Variants in FGGY observed in about 807,000 individuals in gnomAD.
The protein encoded by FGGY is FGGY carbohydrate kinase domain containing, also known as FGGY carbohydrate kinase domain-containing protein.
A neutral mutation model predicts 71.3 loss-of-function variants in FGGY; 72 were observed. The observed-to-expected ratio is 1.01, with a 90% CI of 0.84 to 1.23. The LOEUF (loss-of-function observed/expected upper bound fraction) is 1.23, where lower values mean the gene tolerates loss of function less well. FGGY is among the 50% of genes most tolerant of loss of function. The probability of loss-of-function intolerance (pLI) is 0.00; values close to 1 mark genes in which losing one functional copy is unlikely to be tolerated. For synonymous variants in FGGY, 251 were observed against 250.3 expected (o/e 1.00, Z -0.02); for missense variants, 668 against 682.3 (o/e 0.98, Z 0.23).
intron 9 of FGGY, among the ~76,000 whole-genome samples, chr1:59,620,889 T>C (rs535398017): frequency 2.0e-5 from 3 of 152,246 alleles, no homozygotes; most frequent in African/African-American, 4.8e-5. Flanking sequence ...AGTTGTCATA[T>C]TGTTTGCTTT....
At chr1:59,666,021 A>T (rs552120446) in intron 12 of FGGY, among the ~76,000 whole-genome samples, 1 of 152,236 alleles carries the variant, frequency 6.6e-6, no homozygotes, top group South Asian at 2.1e-4. Flanking sequence ...TCTTGCCCTC[A>T]GCTAAAACAC....
rs182721841 is a variant in FGGY at position 59,448,603 on chromosome 1, G to A, written c.555-8358G>A. The stretch of plus-strand genomic sequence containing the variant: ...TTAAAAAATGATTAGGAACCTGAAA[G>A]CTTCCTTCTATAACTGAGATCTGAA... On this transcript the variant is annotated intron_variant, in intron 5 of 15. Transcript: ENST00000303721. Among the ~76,000 whole-genome samples the A allele has an allele frequency of 2.0e-3, 300 of 152,254 alleles. 1 individual carries two copies. The highest frequency in any genetic ancestry group is 4.1e-3 in the South Asian group (20 of 4,822).
chr1:59,374,694 CACAT>C (rs1161600065), intron 4 of FGGY, among the ~76,000 whole-genome samples: 3 of 151,964 alleles, frequency 2.0e-5, no homozygotes, highest in Non-Finnish European at 4.4e-5. Context: ...GAAAATGTGG[CACAT>C]ATACACCATG....
intron 13 of FGGY, among the ~76,000 whole-genome samples, chr1:59,668,378 A>G (rs6587867): frequency 0.84 from 127,672 of 152,046 alleles, 53,777 homozygotes; most frequent in Middle Eastern, 0.92. Flanking sequence ...GAAAGTGGGG[A>G]AGGGTTGTAC....
chr1:59,716,782 A>AG (rs1376848909), intron 14 of FGGY, among the ~76,000 whole-genome samples: 2 of 152,200 alleles, frequency 1.3e-5, no homozygotes, highest in Non-Finnish European at 2.9e-5. Flanking sequence ...CTTGAATGAC[A>AG]GACTGAATTT....
chr1:59,324,166 T>C (rs1233718310), intron 2 of FGGY, among the ~76,000 whole-genome samples: 1 of 151,694 alleles, frequency 6.6e-6, no homozygotes, highest in Non-Finnish European at 1.5e-5. Context: ...GTGGTGTCAA[T>C]GATGATGACA....
intron 8 of FGGY, among the ~76,000 whole-genome samples, chr1:59,586,634 G>T (rs899570767): frequency 6.6e-6 from 1 of 152,064 alleles, no homozygotes; most frequent in Non-Finnish European, 1.5e-5. Context: ...TTGTGCACAT[G>T]TACCCTAAAA....
intron 14 of FGGY, among the ~76,000 whole-genome samples, chr1:59,696,358 GT>G (rs1419604828): frequency 6.6e-6 from 1 of 152,084 alleles, no homozygotes; most frequent in Admixed American, 6.5e-5. Flanking sequence ...AGAAAGAAAA[GT>G]TTTTTTCCCA....
At chr1:59,302,685 G>A (rs1246277738) in intron 1 of FGGY, among the ~76,000 whole-genome samples, 4 of 151,930 alleles carry the variant, frequency 2.6e-5, no homozygotes, top group African/African-American at 9.7e-5. Flanking sequence ...TCTACTTGAG[G>A]GGGTAGGAGG....
chr1:59,521,042 G>GT (rs978704076), intron 7 of FGGY, among the ~76,000 whole-genome samples: 1 of 143,028 alleles, frequency 7.0e-6, no homozygotes, highest in Non-Finnish European at 1.5e-5. Context: ...GGGGTGGGGG[G>GT]GGATTAGAAA....
intron 14 of FGGY, among the ~76,000 whole-genome samples, chr1:59,744,567 T>C (rs2098178896): frequency 6.6e-6 from 1 of 152,232 alleles, no homozygotes; most frequent in African/African-American, 2.4e-5. Context: ...AGTTCTAATC[T>C]AGCCAGTCTA....
intron 6 of FGGY, among the ~76,000 whole-genome samples, chr1:59,471,723 AG>A (rs970989657): frequency 1.3e-5 from 2 of 152,208 alleles, no homozygotes; most frequent in African/African-American, 4.8e-5. Context: ...GCTAAGTCCT[AG>A]GGATACAAAA....
chr1:59,666,113 G>A (rs942088521), intron 12 of FGGY, among the ~76,000 whole-genome samples: 4 of 152,150 alleles, frequency 2.6e-5, no homozygotes, highest in Non-Finnish European at 5.9e-5. Flanking sequence ...ATTGGCTCAT[G>A]CCTTCTTCTT....
Position 59,483,390 on chromosome 1 carries a change from G to A in FGGY, c.670+26314G>A, listed in dbSNP as rs944822479. On this transcript the variant is annotated intron_variant, in intron 6 of 15. Transcript: ENST00000303721. ...GTGAAGATACTCAGCCCCTGCCTGC[G>A]AGATGCCTATCAACTATGGAGAAAA... 3.3e-5 allele frequency among the ~76,000 whole-genome samples: 5 copies of A among 152,240 alleles called. No individual in the cohort carries two copies. The Middle Eastern group carries it at 0.017, about 518-fold the overall frequency.
In FGGY at chr1:59,651,450, T is replaced by C. The variant is rs918070652; in HGVS notation, c.1222-8769T>C. ...TCTGGGTGCTCCTGTATTGGGTGCA[T>C]ATATATTTAGGATAGTTAGCTCTTC... On this transcript the variant is annotated intron_variant, in intron 11 of 15. Transcript: ENST00000303721. 4.7e-5 allele frequency among the ~76,000 whole-genome samples: 7 copies of C among 148,600 alleles called. No individual in the cohort carries two copies. In the East Asian group the frequency reaches 7.8e-4, roughly 17 times the overall value.
At chr1:59,685,013 C>G (rs1012315607) in intron 14 of FGGY, among the ~76,000 whole-genome samples, 2 of 152,094 alleles carry the variant, frequency 1.3e-5, no homozygotes, top group African/African-American at 4.8e-5. Flanking sequence ...ATTGAGGCAC[C>G]AAGCTATTGA....
chr1:59,738,842 G>T (rs187901957), intron 14 of FGGY, among the ~76,000 whole-genome samples: 45 of 152,294 alleles, frequency 3.0e-4, no homozygotes, highest in South Asian at 8.3e-4. Context: ...GAGAGATTAG[G>T]CCCCAAGGTC....
At position 59,346,390 on chromosome 1, in the gene FGGY, C is replaced by T; in HGVS notation, c.457C>T (p.Leu153=). Residue 153 remains leucine, a synonymous_variant, in exon 4 of 16, where the codon CTG becomes TTG. Transcript: ENST00000303721. ...AATGCAGGCCCCGAAACTTCTGTGG[C>T]TGAAAGAGGTGAGTGCATAGGGTCT... ...VEMQAPKLLW[L]KENLREICWD... is the part of the protein sequence containing the mutation. The T allele has an allele frequency of 6.2e-7, 1 of 1,611,278 alleles. No homozygotes were observed. Among genetic ancestry groups the T allele is most frequent in the Non-Finnish European group, 8.5e-7 (1 of 1,179,426 alleles).
intron 8 of FGGY, among the ~76,000 whole-genome samples, chr1:59,602,006 A>G (rs1027009818): frequency 3.3e-5 from 5 of 152,222 alleles, no homozygotes; most frequent in Non-Finnish European, 7.3e-5. Flanking sequence ...CATGAAGCCC[A>G]GGCCATGTGA....
Sources: gnomAD v4.1 joint callset for allele counts (sites outside exome capture counted in the v4.1 genomes callset) on GRCh38, gnomAD v4.1.1 for gene constraint, MANE v1.5 for transcripts, NCBI Gene and HGNC (gene_info 2026-07-23, HGNC 2026-07-21) for gene names.